The following ACOXL variants were observed in gnomAD, a reference collection of about 807,000 sequenced individuals.
The protein encoded by ACOXL is acyl-coenzyme A oxidase-like protein.
ACOXL carries 70 observed loss-of-function variants against 71.9 expected under a neutral mutation model. That is an observed-to-expected ratio of 0.97 (90% CI 0.80 to 1.19). ACOXL has a LOEUF of 1.19. ACOXL is among the 50% of genes most tolerant of loss of function. ACOXL has a pLI of 0.00. For missense variants in ACOXL, 703 were observed against 736.3 expected (o/e 0.95, Z 0.52); for synonymous variants, 253 against 281.6 (o/e 0.90, Z 1.02).
intron 15 of ACOXL, among the ~76,000 whole-genome samples, chr2:111,041,792 C>T (rs1427288486): frequency 6.6e-6 from 1 of 152,220 alleles, no homozygotes. Flanking sequence ...TCATCTCTTC[C>T]TGAGTGAATG....
intron 10 of ACOXL, among the ~76,000 whole-genome samples, chr2:110,884,405 G>C (rs1357739408): frequency 6.6e-6 from 1 of 152,138 alleles, no homozygotes; most frequent in African/African-American, 2.4e-5. Flanking sequence ...GGGGAGACTA[G>C]GATTCCCTTC....
chr2:110,814,590 G>A (rs1209886342), intron 9 of ACOXL, among the ~76,000 whole-genome samples: 1 of 152,172 alleles, frequency 6.6e-6, no homozygotes, highest in African/African-American at 2.4e-5. Context: ...TCTAAGAAGG[G>A]AAGCAAAATA....
chr2:110,864,858 C>T (rs2612698), intron 10 of ACOXL, among the ~76,000 whole-genome samples: 31,214 of 152,190 alleles, frequency 0.21, 3,848 homozygotes, highest in Non-Finnish European at 0.29. Flanking sequence ...AGCCTCGTAT[C>T]CAGGCTGTCA....
intron 10 of ACOXL, among the ~76,000 whole-genome samples, chr2:110,902,648 TAAG>T (rs2059287102): frequency 6.6e-6 from 1 of 152,160 alleles, no homozygotes; most frequent in African/African-American, 2.4e-5. Context: ...TTACTGATAA[TAAG>T]AAGCCAGATG....
chr2:110,821,911 A>G (rs76273175), intron 9 of ACOXL, among the ~76,000 whole-genome samples: 2 of 151,504 alleles, frequency 1.3e-5, no homozygotes, highest in African/African-American at 4.9e-5. Flanking sequence ...TGGCTCTGTT[A>G]CCCTTTGACA....
chr2:110,977,648 G>T (rs2062513331), intron 12 of ACOXL, among the ~76,000 whole-genome samples: 1 of 152,160 alleles, frequency 6.6e-6, no homozygotes. Context: ...ACCAGATGTT[G>T]CAGCATCTAA....
intron 5 of ACOXL, among the ~76,000 whole-genome samples, chr2:110,795,348 A>G (rs1302432455): frequency 1.3e-5 from 2 of 152,152 alleles, no homozygotes; most frequent in African/African-American, 4.8e-5. Context: ...GATGTCCAAG[A>G]TCATAGTAAG....
At chr2:111,019,672 G>T (rs1463196049) in intron 14 of ACOXL, among the ~76,000 whole-genome samples, 1 of 152,160 alleles carries the variant, frequency 6.6e-6, no homozygotes, top group Non-Finnish European at 1.5e-5. Flanking sequence ...ACCAGGCATA[G>T]ACTTTGTCTT....
chr2:111,021,309 A>C (rs1028043580), intron 14 of ACOXL, among the ~76,000 whole-genome samples: 6 of 152,190 alleles, frequency 3.9e-5, no homozygotes, highest in African/African-American at 1.4e-4. Flanking sequence ...CTGTCTGGGC[A>C]CTTCTCTTTC....
At chr2:111,068,978 G>A (rs2067205108) in intron 16 of ACOXL, among the ~76,000 whole-genome samples, 2 of 152,098 alleles carry the variant, frequency 1.3e-5, no homozygotes, top group Admixed American at 1.3e-4. Context: ...TGGATCACTG[G>A]AATGAAAATG....
chr2:110,804,664 A>C (rs1686412479), intron 8 of ACOXL, among the ~76,000 whole-genome samples: 1 of 152,230 alleles, frequency 6.6e-6, no homozygotes, highest in African/African-American at 2.4e-5. Flanking sequence ...AAAGAAATGG[A>C]GTACTAACAC....
chr2:110,903,174 T>C (rs2059306926), intron 10 of ACOXL, among the ~76,000 whole-genome samples: 1 of 152,222 alleles, frequency 6.6e-6, no homozygotes, highest in Non-Finnish European at 1.5e-5. Flanking sequence ...GAAGTAATTA[T>C]CTTTTTAGTA....
chr2:110,827,238 CAT>C (rs1011544586), intron 9 of ACOXL, among the ~76,000 whole-genome samples: 1 of 152,208 alleles, frequency 6.6e-6, no homozygotes. Context: ...CTGACACCCA[CAT>C]ATGCCCTGCA....
At chr2:110,899,046 C>T (rs2059126835) in intron 10 of ACOXL, among the ~76,000 whole-genome samples, 1 of 152,076 alleles carries the variant, frequency 6.6e-6, no homozygotes, top group Non-Finnish European at 1.5e-5. Flanking sequence ...TGTAAGACTC[C>T]TGAGAACAAC....
At chr2:110,808,012 A>G (rs1182333074) in intron 9 of ACOXL, among the ~76,000 whole-genome samples, 1 of 152,074 alleles carries the variant, frequency 6.6e-6, no homozygotes, top group Non-Finnish European at 1.5e-5. Context: ...TGGAACTTTC[A>G]GGTTTTCTCT....
intron 9 of ACOXL, among the ~76,000 whole-genome samples, chr2:110,823,968 A>G (rs1007069828): frequency 5.9e-5 from 9 of 152,314 alleles, no homozygotes; most frequent in Admixed American, 1.3e-4. Context: ...TAATTTTAAT[A>G]AAGTCTAATT....
intron 12 of ACOXL, among the ~76,000 whole-genome samples, chr2:110,985,622 A>AT (rs2149543960): frequency 6.6e-6 from 1 of 152,272 alleles, no homozygotes; most frequent in South Asian, 2.1e-4. Flanking sequence ...GCAGGTTGCC[A>AT]TGGGGATGGG....
chr2:110,857,370 G>A (rs528312749), intron 10 of ACOXL, among the ~76,000 whole-genome samples: 18 of 152,172 alleles, frequency 1.2e-4, no homozygotes, highest in African/African-American at 4.1e-4. Flanking sequence ...AAACCCATCC[G>A]TCCATTCCTA....
At chr2:110,781,306 C>CTA (rs1365100431) in intron 2 of ACOXL, among the ~76,000 whole-genome samples, 1 of 152,058 alleles carries the variant, frequency 6.6e-6, no homozygotes, top group Non-Finnish European at 1.5e-5. Context: ...GAGGCTGTTA[C>CTA]TATAGTCCAG....
Sources: allele counts gnomAD v4.1 joint callset (sites outside exome capture counted in the v4.1 genomes callset), GRCh38; gene constraint gnomAD v4.1.1; transcripts MANE v1.5; gene names NCBI Gene and HGNC (gene_info 2026-07-23, HGNC 2026-07-21).